FRMD6: variants seen among roughly 807,000 people sequenced by gnomAD.
The protein encoded by FRMD6 is FERM domain-containing protein 6.
Under a neutral mutation model 73.2 loss-of-function variants are expected in FRMD6, and 37 were observed. That is an observed-to-expected ratio of 0.51 (90% CI 0.39 to 0.66). The LOEUF is 0.66. Among genes scored for constraint, FRMD6 ranks in the 30% least tolerant of loss-of-function variants. The pLI, the probability that FRMD6 is intolerant of heterozygous loss-of-function variation, is 0.00. For synonymous variants in FRMD6, 273 were observed against 282.2 expected, an observed-to-expected ratio of 0.97 and a Z score of 0.33; for missense variants, 714 against 780.5, an observed-to-expected ratio of 0.91 and a Z score of 1.02.
At chr14:51,507,896 C>T (rs560347015) in intron 1 of FRMD6, among the ~76,000 whole-genome samples, 4 of 152,280 alleles carry the variant, frequency 2.6e-5, no homozygotes, top group Non-Finnish European at 4.4e-5. Context: ...GGCAGGAAGT[C>T]AGGAGACCCT....
At chr14:51,665,248 G>A (rs1051325458) in intron 1 of FRMD6, among the ~76,000 whole-genome samples, 18 of 152,116 alleles carry the variant, frequency 1.2e-4, no homozygotes, top group African/African-American at 4.3e-4. Context: ...CCCTTTATAC[G>A]GGGTGTGTGC....
At chr14:51,536,147 T>G (rs1313790832) in intron 1 of FRMD6, among the ~76,000 whole-genome samples, 2 of 148,218 alleles carry the variant, frequency 1.3e-5, no homozygotes, top group Non-Finnish European at 3.0e-5. Flanking sequence ...CAAGCTAGGG[T>G]GTGTTAGTGT....
chr14:51,651,141 C>T (rs1206383125), upstream of FRMD6: 1 of 152,664 alleles, frequency 6.6e-6, no homozygotes, highest in Non-Finnish European at 1.5e-5. Flanking sequence ...AAGCCACTAT[C>T]GGGAGGGGAC....
At chr14:51,661,607 T>C (rs1218589159) in intron 1 of FRMD6, among the ~76,000 whole-genome samples, 2 of 152,094 alleles carry the variant, frequency 1.3e-5, no homozygotes, top group African/African-American at 2.4e-5. Flanking sequence ...AAAAATGTCC[T>C]TGTAGTCAAA....
chr14:51,641,914 C>T (rs150391135), intron 2 of FRMD6, among the ~76,000 whole-genome samples: 2 of 118,948 alleles, frequency 1.7e-5, no homozygotes, highest in East Asian at 2.2e-4. Flanking sequence ...CAAATGTTCT[C>T]GTAGGGGCAA....
chr14:51,603,258 T>TA (rs11382557), intron 2 of FRMD6, among the ~76,000 whole-genome samples: 71,098 of 152,032 alleles, frequency 0.47, 16,969 homozygotes, highest in East Asian at 0.68. Flanking sequence ...ATAAGCCACA[T>TA]AGTTTATGAT....
chr14:51,606,832 C>T (rs1890278446), intron 2 of FRMD6, among the ~76,000 whole-genome samples: 2 of 152,120 alleles, frequency 1.3e-5, no homozygotes, highest in African/African-American at 4.8e-5. Context: ...GCCTCAGAAC[C>T]AGGGAAGCCA....
At position 51,730,573 on chromosome 14, in the gene FRMD6, A is replaced by G. The variant is rs1320219940; in HGVS notation, c.*2544A>G. 1.3e-5 allele frequency: 2 copies of G among 152,632 alleles called. No individual in the cohort carries two copies. Among genetic ancestry groups the G allele is most frequent in the African/African-American group, 2.4e-5 (1 of 41,456 alleles). The allele number at this position is 152,632 out of a possible 1,614,324, so 9.5% of individuals were successfully genotyped here. On this transcript the variant is annotated 3_prime_UTR_variant, in exon 14 of 14. Coordinates refer to ENST00000344768, the MANE Select transcript of FRMD6 (RefSeq NM_001267046.2). ...ATATGCAACAGTGAGCTTTATATCT[A>G]CATAAACTGTAAATAATCCTTTCTG...
At chr14:51,616,191 G>A (rs1286330589) in intron 2 of FRMD6, among the ~76,000 whole-genome samples, 1 of 152,170 alleles carries the variant, frequency 6.6e-6, no homozygotes, top group Non-Finnish European at 1.5e-5. Flanking sequence ...TCCATTTTCT[G>A]ATGAAGTGGG....
intron 12 of FRMD6, among the ~76,000 whole-genome samples, chr14:51,724,586 T>G (rs552386452): frequency 6.6e-6 from 1 of 152,324 alleles, no homozygotes; most frequent in South Asian, 2.1e-4. Context: ...TTGAACTAAT[T>G]ATTGAATACT....
chr14:51,663,972 C>G (rs1893402664), intron 1 of FRMD6, among the ~76,000 whole-genome samples: 1 of 152,204 alleles, frequency 6.6e-6, no homozygotes, highest in South Asian at 2.1e-4. Flanking sequence ...ACTCAGTCAC[C>G]TCTTGTTAGG....
chr14:51,411,197 G>T, the FRMD6 span, among the ~76,000 whole-genome samples: 1 of 152,164 alleles, frequency 6.6e-6, no homozygotes, highest in African/African-American at 2.4e-5. Context: ...ATAAGCAAAG[G>T]CTGAGCTAGC....
At chr14:51,532,648 G>T (rs995527216) in intron 1 of FRMD6, among the ~76,000 whole-genome samples, 2 of 152,140 alleles carry the variant, frequency 1.3e-5, no homozygotes, top group African/African-American at 4.8e-5. Flanking sequence ...TGTTTTGTGT[G>T]CTTATTTCAT....
chr14:51,675,923 A>G, intron 1 of FRMD6, among the ~76,000 whole-genome samples: 1 of 152,160 alleles, frequency 6.6e-6, no homozygotes, highest in East Asian at 1.9e-4. Context: ...CTGGTTTCAT[A>G]AAATTTTTCA....
intron 1 of FRMD6, among the ~76,000 whole-genome samples, chr14:51,507,212 TG>T (rs1232354115): frequency 6.6e-6 from 1 of 152,082 alleles, no homozygotes; most frequent in Non-Finnish European, 1.5e-5. Context: ...CCCTGACTTC[TG>T]GTTCCCATTG....
At position 51,727,859 on chromosome 14, in the gene FRMD6, C is replaced by T. The variant is rs1347148331; in HGVS notation, c.1699C>T (p.Gln567Ter). 2.5e-6 allele frequency: 4 copies of T among 1,614,218 alleles called. No individual in the cohort carries two copies. Among genetic ancestry groups the T allele is most frequent in the Non-Finnish European group, 3.4e-6 (4 of 1,180,040 alleles). ...TGCAGGTCTGTGTCAGGACACTGCT[C>T]AGAGTTACACCTTTGGATGTGGCCA... ...RIAGLCQDTA[Q>*]SYTFGCGHEL... The change falls in exon 14 of 14, where the codon CAG (glutamine) becomes TAG (stop). Residue 567 changes from glutamine (Q) to a stop codon, truncating the protein, a stop_gained. Coordinates refer to ENST00000344768, the MANE Select transcript of FRMD6 (RefSeq NM_001267046.2). LOFTEE classifies it high-confidence loss of function.
At chr14:51,682,036 A>T (rs374407905) in intron 1 of FRMD6, among the ~76,000 whole-genome samples, 10 of 152,330 alleles carry the variant, frequency 6.6e-5, no homozygotes, top group African/African-American at 2.4e-4. Context: ...ACACATTAGT[A>T]TGCAAGATGA....
At chr14:51,685,092 A>G (rs1895062734) in intron 1 of FRMD6, among the ~76,000 whole-genome samples, 2 of 152,310 alleles carry the variant, frequency 1.3e-5, no homozygotes, top group Middle Eastern at 3.4e-3. Context: ...TCCTTAACAT[A>G]CCATAAGTAC....
At chr14:51,662,058 G>A (rs1310093240) in intron 1 of FRMD6, among the ~76,000 whole-genome samples, 2 of 152,044 alleles carry the variant, frequency 1.3e-5, no homozygotes, top group Non-Finnish European at 2.9e-5. Flanking sequence ...ATAGAGAAAC[G>A]GTTCTATGCA....
Sources: allele counts gnomAD v4.1 joint callset (sites outside exome capture counted in the v4.1 genomes callset), GRCh38; gene constraint gnomAD v4.1.1; transcripts MANE v1.5; gene names NCBI Gene and HGNC (gene_info 2026-07-23, HGNC 2026-07-21).